Variants in HDAC9 observed in about 807,000 individuals in gnomAD.
HDAC9 encodes MEF-2 interacting transcription repressor (MITR) protein.
In HDAC9, 41 loss-of-function variants were observed where a neutral mutation model predicts 139.4. The observed-to-expected ratio is 0.29, with a 90% CI of 0.23 to 0.38. The LOEUF (loss-of-function observed/expected upper bound fraction) is 0.38, where lower values mean the gene tolerates loss of function less well. Among genes scored for constraint, HDAC9 ranks in the 10% least tolerant of loss-of-function variants. The pLI, the probability that HDAC9 is intolerant of heterozygous loss-of-function variation, is 1.00. For missense variants in HDAC9, 1,147 were observed against 1,297.0 expected, an observed-to-expected ratio of 0.88 and a Z score of 1.78; for synonymous variants, 517 against 476.2, an observed-to-expected ratio of 1.09 and a Z score of -1.12.
intron 1 of HDAC9, among the ~76,000 whole-genome samples, chr7:18,362,241 G>A (rs1783838946): frequency 6.6e-6 from 1 of 152,178 alleles, no homozygotes; most frequent in Admixed American, 6.5e-5. Flanking sequence ...TAACAGAATT[G>A]CAGAGATCGT....
intron 25 of HDAC9, among the ~76,000 whole-genome samples, chr7:18,977,301 GTCA>G (rs1784608463): frequency 6.6e-6 from 1 of 152,138 alleles, no homozygotes; most frequent in Non-Finnish European, 1.5e-5. Flanking sequence ...TTAGTTGTCT[GTCA>G]TCTGAGAGCC....
intron 1 of HDAC9, among the ~76,000 whole-genome samples, chr7:18,408,323 G>A (rs1788211485): frequency 6.6e-6 from 1 of 152,148 alleles, no homozygotes; most frequent in South Asian, 2.1e-4. Context: ...AATGAAGGAA[G>A]AGAATGAATG....
chr7:18,103,159 A>T (rs1483806787), intron 1 of HDAC9, among the ~76,000 whole-genome samples: 6 of 152,000 alleles, frequency 3.9e-5, no homozygotes, highest in Non-Finnish European at 8.8e-5. Context: ...AAACCATCAG[A>T]TCTCATGAGA....
At chr7:18,843,209 C>A (rs549522715) in intron 21 of HDAC9, among the ~76,000 whole-genome samples, 1 of 152,108 alleles carries the variant, frequency 6.6e-6, no homozygotes, top group East Asian at 1.9e-4. Context: ...AATTTGTATG[C>A]CTAGAAGTGA....
chr7:18,479,141 CT>C (rs1234392433), intron 1 of HDAC9, among the ~76,000 whole-genome samples: 2 of 151,868 alleles, frequency 1.3e-5, no homozygotes, highest in Non-Finnish European at 2.9e-5. Context: ...CAATCTTTTT[CT>C]TTATGATTTG....
At chr7:18,860,937 CT>C (rs1307896154) in intron 21 of HDAC9, among the ~76,000 whole-genome samples, 1 of 152,112 alleles carries the variant, frequency 6.6e-6, no homozygotes, top group Non-Finnish European at 1.5e-5. Context: ...AGGATGTGGT[CT>C]TTTGTTAATT....
chr7:18,774,372 G>T (rs987935888), intron 16 of HDAC9, among the ~76,000 whole-genome samples: 1 of 151,784 alleles, frequency 6.6e-6, no homozygotes, highest in Non-Finnish European at 1.5e-5. Context: ...ATCTCTAATT[G>T]ATATTTACTA....
intron 6 of HDAC9, among the ~76,000 whole-genome samples, chr7:18,596,847 A>G (rs1832644651): frequency 6.6e-6 from 1 of 152,162 alleles, no homozygotes; most frequent in African/African-American, 2.4e-5. Flanking sequence ...TTAAATCTAC[A>G]TCAGCAATAT....
In HDAC9 at chr7:18,748,991, C is replaced by A; in HGVS notation, c.1910-14C>A. Reference sequence around the variant, plus strand: ...TGTTACTCAATCTTGTCCTGTATTTCCCTTGTCTTAAAGGAATTGCCTATG... The same window carrying A: ...TGTTACTCAATCTTGTCCTGTATTTACCTTGTCTTAAAGGAATTGCCTATG... On this transcript the variant is annotated splice_polypyrimidine_tract_variant and intron_variant, in intron 13 of 25. Coordinates refer to ENST00000686413, the MANE Select transcript of HDAC9 (RefSeq NM_178425.4). 6.2e-7 allele frequency: 1 copy of A among 1,612,188 alleles called. No homozygotes were observed. Among genetic ancestry groups the A allele is most frequent in the South Asian group, 1.1e-5 (1 of 90,800 alleles).
intron 1 of HDAC9, among the ~76,000 whole-genome samples, chr7:18,345,865 G>C (rs1258407678): frequency 2.0e-5 from 3 of 151,900 alleles, no homozygotes; most frequent in Non-Finnish European, 4.4e-5. Context: ...CCTCTGGCAT[G>C]CATTAGAGTT....
intron 6 of HDAC9, among the ~76,000 whole-genome samples, chr7:18,611,724 A>G (rs1340314177): frequency 6.6e-6 from 1 of 152,148 alleles, no homozygotes; most frequent in Non-Finnish European, 1.5e-5. Context: ...CTATCCTGAT[A>G]AAAGTAGTGA....
At chr7:18,471,807 G>A (rs1294758780) in intron 1 of HDAC9, among the ~76,000 whole-genome samples, 2 of 152,184 alleles carry the variant, frequency 1.3e-5, no homozygotes, top group South Asian at 2.1e-4. Flanking sequence ...CCATCCTTGT[G>A]GAGAGAAAAT....
intron 6 of HDAC9, among the ~76,000 whole-genome samples, chr7:18,610,487 TA>T (rs1405526146): frequency 6.6e-6 from 1 of 152,188 alleles, no homozygotes; most frequent in Non-Finnish European, 1.5e-5. Context: ...GTCATTCTGA[TA>T]AATTCCCAGG....
At chr7:18,660,480 A>G (rs552554703) in intron 11 of HDAC9, among the ~76,000 whole-genome samples, 2 of 152,296 alleles carry the variant, frequency 1.3e-5, no homozygotes, top group South Asian at 4.1e-4. Context: ...TAATTTTTTC[A>G]GAAACTTATG....
At chr7:18,443,397 G>T (rs1260145381) in intron 1 of HDAC9, among the ~76,000 whole-genome samples, 1 of 152,116 alleles carries the variant, frequency 6.6e-6, no homozygotes, top group African/African-American at 2.4e-5. Flanking sequence ...GTAAATACCA[G>T]ATTGGAAACT....
intron 1 of HDAC9, among the ~76,000 whole-genome samples, chr7:18,417,916 C>A (rs1478694968): frequency 6.6e-6 from 1 of 152,116 alleles, no homozygotes. Context: ...GGTGCTCTAT[C>A]CAGAAAACTC....
At chr7:18,918,043 C>T (rs1054263270) in intron 22 of HDAC9, among the ~76,000 whole-genome samples, 9 of 151,802 alleles carry the variant, frequency 5.9e-5, no homozygotes, top group African/African-American at 1.7e-4. Flanking sequence ...GAGGAGAAAC[C>T]GAGGATGACG....
At chr7:18,601,777 A>G (rs1236559576) in intron 6 of HDAC9, among the ~76,000 whole-genome samples, 2 of 152,274 alleles carry the variant, frequency 1.3e-5, no homozygotes, top group South Asian at 2.1e-4. Flanking sequence ...ACATTAGCCA[A>G]TTTTCAAATA....
chr7:18,346,343 T>A (rs1384601738), intron 1 of HDAC9, among the ~76,000 whole-genome samples: 2 of 152,156 alleles, frequency 1.3e-5, no homozygotes, highest in African/African-American at 4.8e-5. Flanking sequence ...GGTCACTCAT[T>A]GTCATTACAT....
Sources: gnomAD v4.1 joint callset for allele counts (sites outside exome capture counted in the v4.1 genomes callset) on GRCh38, gnomAD v4.1.1 for gene constraint, MANE v1.5 for transcripts, NCBI Gene and HGNC (gene_info 2026-07-23, HGNC 2026-07-21) for gene names.